ADD2: variants seen among roughly 807,000 people sequenced by gnomAD.
The protein encoded by ADD2 is adducin 2, also known as beta-adducin.
ADD2 carries 23 observed loss-of-function variants against 83.0 expected under a neutral mutation model. The observed-to-expected ratio is 0.28, with a 90% CI of 0.20 to 0.39. The LOEUF is 0.39. Ranked by LOEUF, ADD2 falls within the 10% of genes least tolerant of loss-of-function variation. The pLI is 1.00. For missense variants in ADD2, 758 were observed against 944.9 expected, an observed-to-expected ratio of 0.80 and a Z score of 2.59; for synonymous variants, 375 against 375.4, an observed-to-expected ratio of 1.00 and a Z score of 0.01.
At chr2:70,727,299 A>C (rs1305501147) in intron 1 of ADD2, among the ~76,000 whole-genome samples, 1 of 151,294 alleles carries the variant, frequency 6.6e-6, no homozygotes, top group Non-Finnish European at 1.5e-5. Context: ...CAGCCCCAAC[A>C]CTCCCCAACA....
intron 1 of ADD2, among the ~76,000 whole-genome samples, chr2:70,735,419 GT>G (rs544386330): frequency 6.6e-6 from 1 of 151,940 alleles, no homozygotes; most frequent in Non-Finnish European, 1.5e-5. Context: ...AGTATCTCAA[GT>G]TTTTTTTGCT....
chr2:70,666,907 G>C (rs1210508771), intron 15 of ADD2, among the ~76,000 whole-genome samples: 1 of 152,164 alleles, frequency 6.6e-6, no homozygotes, highest in African/African-American at 2.4e-5. Flanking sequence ...GGAGGAGCCA[G>C]GTTCCCAACT....
rs782069476 is a variant in ADD2, at chr2:70,683,697, T to C, written c.1019A>G (p.His340Arg). 1 of 1,614,058 alleles carries C rather than the reference T, an allele frequency of 6.2e-7. No individual in the cohort carries two copies. Among genetic ancestry groups the C allele is most frequent in the South Asian group, 1.1e-5 (1 of 91,088 alleles). The change falls in exon 10 of 16, where the codon CAT becomes CGT. Residue 340 changes from histidine to arginine, a missense_variant. Physicochemically the swap from His to Arg is conservative, Grantham distance 29. This residue lies in a region of ADD2 where 394 missense variants were observed against 509.3 expected (regional missense o/e 0.77). Transcript: ENST00000264436. ...GGCCCACTGCACGGAGCCCACCTCA[T>C]GGGGCCGGTGCTTCTCCTGCTCCAG... ...ILLEQEKHRP[H>R]EVGSVQWAGS...
At chr2:70,713,794 C>T (rs1354762725) in intron 1 of ADD2, among the ~76,000 whole-genome samples, 1 of 151,958 alleles carries the variant, frequency 6.6e-6, no homozygotes, top group Non-Finnish European at 1.5e-5. Context: ...GACGTGGTGG[C>T]GAGTTGCTGG....
Position 70,696,371 on chromosome 2 carries a change from A to C in ADD2, c.348T>G (p.Asn116Lys). The change falls in exon 5 of 16, where the codon AAT becomes AAG. Residue 116 changes from asparagine (N) to lysine (K), a missense_variant. Asn to Lys is a moderately conservative substitution (Grantham distance 94). This residue lies in a region of ADD2 where 175 missense variants were observed against 192.1 expected (regional missense o/e 0.91). Transcript: ENST00000264436. The stretch of plus-strand genomic sequence containing the variant: ...TCAGGGAGTCAGCTGTGTGGAGGTC[A>C]TTGATAGGCGTCATCATGGAGACAT... ...SMNVSMMTPI[N>K]DLHTADSLNL... The C allele has an allele frequency of 6.2e-7, 1 of 1,614,192 alleles. No individual in the cohort carries two copies. The highest frequency in any genetic ancestry group is 1.1e-5 in the South Asian group (1 of 91,068).
intron 1 of ADD2, among the ~76,000 whole-genome samples, chr2:70,759,270 A>T (rs1221296445): frequency 6.6e-6 from 1 of 152,196 alleles, no homozygotes; most frequent in Non-Finnish European, 1.5e-5. Flanking sequence ...CCTATGTTAG[A>T]TCAAATACAT....
chr2:70,689,796 C>T lies in ADD2; in HGVS notation c.849+990G>A, dbSNP rs570694574. On this transcript the variant is annotated intron_variant, in intron 8 of 15. Coordinates refer to ENST00000264436, the MANE Select transcript of ADD2 (RefSeq NM_001617.4). ...AAATATGTGCTGTTATAAAACAGGG[C>T]TCAAGAGTTCAGTCAAGCAACAACA... Among the ~76,000 whole-genome samples the T allele has an allele frequency of 3.9e-5, 6 of 152,280 alleles. No homozygotes were observed. In the South Asian group the frequency reaches 1.2e-3, roughly 32 times the overall value.
Position 70,740,742 on chromosome 2 carries a change from C to T in ADD2, c.-154+27144G>A, listed in dbSNP as rs374773607. 3.9e-5 allele frequency among the ~76,000 whole-genome samples: 6 copies of T among 152,116 alleles called. No individual in the cohort carries two copies. The South Asian group carries it at 6.2e-4, about 16-fold the overall frequency. ...TGAGACAGGGTCTCACTCTGTTACC[C>T]AGGCTGGAGTACACTGGCACAATCA... is the stretch of plus-strand genomic sequence containing the variant. On this transcript the variant is annotated intron_variant, in intron 1 of 15. Coordinates refer to ENST00000264436, the MANE Select transcript of ADD2 (RefSeq NM_001617.4).
At position 70,676,933 on chromosome 2, in the gene ADD2, C is replaced by T. The variant is rs782659756; in HGVS notation, c.1504-48G>A. ...GAGTGAGCTGGCTGTTCAGGGTCAG[C>T]GTGGAGTTTGGGAGGGGGCATACGG... is the stretch of plus-strand genomic sequence containing the variant. On this transcript the variant is annotated intron_variant, in intron 12 of 15. Coordinates refer to ENST00000264436, the MANE Select transcript of ADD2 (RefSeq NM_001617.4). This position sits in a 1 kb window ranked among gnomAD's most constrained non-coding sequence, Gnocchi z 4.8. The T allele has an allele frequency of 1.9e-6, 3 of 1,593,648 alleles. No individual in the cohort carries two copies. The highest frequency in any genetic ancestry group is 1.3e-5 in the African/African-American group (1 of 74,642).
chr2:70,753,105 G>A (rs536571769), intron 1 of ADD2, among the ~76,000 whole-genome samples: 108 of 152,278 alleles, frequency 7.1e-4, no homozygotes, highest in Non-Finnish European at 1.2e-3. Flanking sequence ...GTCTGGTGGA[G>A]GAAAAGGAAC....
chr2:70,702,618 T>C (rs1351191042), intron 4 of ADD2, among the ~76,000 whole-genome samples: 15 of 151,250 alleles, frequency 9.9e-5, no homozygotes, highest in African/African-American at 3.7e-4. Flanking sequence ...AAAATTACAA[T>C]GGTTTCCGCT....
rs1553372650 is a variant in ADD2, at chr2:70,696,238, T to C, written c.474+7A>G. On this transcript the variant is annotated splice_region_variant and intron_variant, in intron 5 of 15. Coordinates refer to ENST00000264436, the MANE Select transcript of ADD2 (RefSeq NM_001617.4). ...TGCCCCACCCAATTCCAGGGCGTTC[T>C]GCTCACCGTGACATAGGTGTCACTC... The C allele has an allele frequency of 6.2e-7, 1 of 1,610,366 alleles. No homozygotes were observed. Among genetic ancestry groups the C allele is most frequent in the South Asian group, 1.1e-5 (1 of 90,006 alleles).
At chr2:70,759,122 A>G (rs1240683908) in intron 1 of ADD2, among the ~76,000 whole-genome samples, 2 of 152,168 alleles carry the variant, frequency 1.3e-5, no homozygotes, top group African/African-American at 4.8e-5. Flanking sequence ...AGTTTTTTTC[A>G]GCCACTTCAC....
chr2:70,671,184 C>A (rs1669876419), intron 15 of ADD2, among the ~76,000 whole-genome samples: 1 of 152,142 alleles, frequency 6.6e-6, no homozygotes, highest in Admixed American at 6.5e-5. Context: ...CCACAGGTTC[C>A]TTCAAGGTGC....
intron 10 of ADD2, among the ~76,000 whole-genome samples, chr2:70,681,574 T>C (rs559789249): frequency 1.3e-5 from 2 of 152,348 alleles, no homozygotes; most frequent in East Asian, 3.8e-4. Flanking sequence ...CTCTTTACTG[T>C]AATGCCATGG....
intron 15 of ADD2, among the ~76,000 whole-genome samples, chr2:70,668,564 A>G (rs544674632): frequency 1.3e-5 from 2 of 152,290 alleles, no homozygotes; most frequent in African/African-American, 4.8e-5. Flanking sequence ...TCTAACAATC[A>G]TCATGCAGCT....
chr2:70,677,646 C>A, intron 12 of ADD2, 112 bp downstream of exon 12: 1 of 1,372,888 alleles, frequency 7.3e-7, no homozygotes, highest in African/African-American at 1.4e-5. Flanking sequence ...TCCTGTGAGG[C>A]ATGTGAGATG....
chr2:70,687,635 C>A (rs544024632), intron 9 of ADD2, among the ~76,000 whole-genome samples: 3 of 150,128 alleles, frequency 2.0e-5, no homozygotes, highest in Admixed American at 2.0e-4. Flanking sequence ...CAAACAAACA[C>A]CTACCTGTGT....
At position 70,695,155 on chromosome 2, in the gene ADD2, G is replaced by A. The variant is rs370800040; in HGVS notation, c.555+566C>T. Among the ~76,000 whole-genome samples the A allele has an allele frequency of 3.3e-5, 5 of 152,092 alleles. No individual in the cohort carries two copies. The East Asian group carries it at 7.7e-4, about 23-fold the overall frequency. On this transcript the variant is annotated intron_variant, in intron 6 of 15. Coordinates refer to ENST00000264436, the MANE Select transcript of ADD2 (RefSeq NM_001617.4). ...CCCCCAAGGTAGTGTCCTCCTCTCCGAGGTACATGGCATAGCAGCCACAGC... is the reference window on the plus strand; with the variant it reads ...CCCCCAAGGTAGTGTCCTCCTCTCCAAGGTACATGGCATAGCAGCCACAGC...
Sources: gnomAD v4.1 joint callset for allele counts (sites outside exome capture counted in the v4.1 genomes callset) on GRCh38, gnomAD v4.1.1 for gene constraint, gnomAD v4.1.1 regional missense constraint, Gnocchi (gnomAD v3.1) non-coding constraint, MANE v1.5 for transcripts, NCBI Gene and HGNC (gene_info 2026-07-23, HGNC 2026-07-21) for gene names.